CR1L: variants seen among roughly 807,000 people sequenced by gnomAD.
CR1L encodes the protein complement component receptor 1-like protein.
A neutral mutation model predicts 62.3 loss-of-function variants in CR1L; 59 were observed. The observed-to-expected ratio is 0.95, with a 90% CI of 0.77 to 1.18. CR1L has a LOEUF of 1.18. Among genes scored for constraint, CR1L ranks in the 50% most tolerant of loss-of-function variants. The pLI is 0.00. For missense variants in CR1L, 700 were observed against 702.8 expected (o/e 1.00, Z 0.04); for synonymous variants, 279 against 248.7 (o/e 1.12, Z -1.15).
chr1:207,701,134 TAATA>T (rs2102472544), intron 8 of CR1L, among the ~76,000 whole-genome samples: 1 of 152,312 alleles, frequency 6.6e-6, no homozygotes, highest in African/African-American at 2.4e-5. Context: ...GGAAAATAAA[TAATA>T]AATGACTCTA....
chr1:207,674,254 A>G (rs1194556420), intron 1 of CR1L, among the ~76,000 whole-genome samples: 1 of 152,196 alleles, frequency 6.6e-6, no homozygotes, highest in Non-Finnish European at 1.5e-5. Flanking sequence ...TATGATGGAA[A>G]TGTTCATTGT....
chr1:207,721,196 T>C (rs1654128395), intron 11 of CR1L, among the ~76,000 whole-genome samples: 1 of 149,976 alleles, frequency 6.7e-6, no homozygotes, highest in Admixed American at 6.6e-5. Context: ...CAAAGTACCC[T>C]TTTTTTTTAT....
chr1:207,664,780 A>T (rs184558141), intron 1 of CR1L, among the ~76,000 whole-genome samples: 70 of 152,344 alleles, frequency 4.6e-4, no homozygotes, highest in African/African-American at 1.6e-3. Context: ...TGACAAATCA[A>T]AATTCCTCAT....
intron 1 of CR1L, among the ~76,000 whole-genome samples, chr1:207,650,126 A>T (rs1338783382): frequency 1.3e-5 from 2 of 152,082 alleles, no homozygotes; most frequent in Non-Finnish European, 2.9e-5. Context: ...GCAATTGAAT[A>T]TGTAGTTTTG....
chr1:207,711,914 C>A (rs1212250722), intron 10 of CR1L, among the ~76,000 whole-genome samples: 1 of 149,782 alleles, frequency 6.7e-6, no homozygotes, highest in Non-Finnish European at 1.5e-5. Context: ...AAAAAAAACA[C>A]AAAAAACAAG....
intron 9 of CR1L, among the ~76,000 whole-genome samples, chr1:207,703,909 G>A (rs1187085769): frequency 6.6e-6 from 1 of 151,972 alleles, no homozygotes; most frequent in East Asian, 1.9e-4. Flanking sequence ...AGCCGAGATT[G>A]CGTCACCGCA....
At chr1:207,705,157 A>G (rs1307820317) in intron 9 of CR1L, among the ~76,000 whole-genome samples, 1 of 152,066 alleles carries the variant, frequency 6.6e-6, no homozygotes, top group Non-Finnish European at 1.5e-5. Flanking sequence ...GTGTCCTCAT[A>G]TGCTGTTCTC....
chr1:207,674,531 C>T (rs10494884), intron 1 of CR1L, among the ~76,000 whole-genome samples: 64,281 of 151,866 alleles, frequency 0.42, 13,810 homozygotes, highest in Non-Finnish European at 0.46. Flanking sequence ...TGGGCTACTA[C>T]GCAAATTTAT....
chr1:207,694,939 T>C (rs1664052765), intron 5 of CR1L, among the ~76,000 whole-genome samples, 188 bp downstream of exon 5: 1 of 152,210 alleles, frequency 6.6e-6, no homozygotes, highest in African/African-American at 2.4e-5. Context: ...GAAGCAAAGC[T>C]AAACCTGGAC....
chr1:207,723,421 C>CAAA (rs370655665), intron 11 of CR1L, among the ~76,000 whole-genome samples, 197 bp from the exon 12 acceptor site: 1 of 71,840 alleles, frequency 1.4e-5, no homozygotes. Context: ...GAGACTTTGT[C>CAAA]AAAAAAAAAA....
chr1:207,689,418 G>A (rs529877362), intron 4 of CR1L, among the ~76,000 whole-genome samples: 10 of 145,694 alleles, frequency 6.9e-5, no homozygotes, highest in South Asian at 4.4e-4. Flanking sequence ...TTATTGTAAC[G>A]TTGTAACATT....
chr1:207,706,348 G>A (rs1664267762), intron 9 of CR1L, among the ~76,000 whole-genome samples: 1 of 151,944 alleles, frequency 6.6e-6, no homozygotes, highest in African/African-American at 2.4e-5. Context: ...CTCAGCCCGA[G>A]AGGCTGAGGC....
At chr1:207,655,420 A>G (rs12084587) in intron 1 of CR1L, 7,110 of 270,392 alleles carry the variant, frequency 0.026, 524 homozygotes, top group African/African-American at 0.15. Context: ...GGTATTTATC[A>G]TATTGGAATT....
chr1:207,694,856 C>T (rs1028466626), intron 5 of CR1L, 105 bp downstream of exon 5: 53 of 1,561,170 alleles, frequency 3.4e-5, no homozygotes, highest in Middle Eastern at 2.4e-4. Context: ...TGAGCAGGGT[C>T]GAGAAGCAAA....
intron 1 of CR1L, among the ~76,000 whole-genome samples, chr1:207,648,793 C>T (rs183172598): frequency 6.6e-6 from 1 of 152,200 alleles, no homozygotes; most frequent in African/African-American, 2.4e-5. Context: ...AAAGAGCAGT[C>T]CATATCTGGT....
intron 10 of CR1L, among the ~76,000 whole-genome samples, chr1:207,716,760 T>C (rs1346609611): frequency 6.6e-6 from 1 of 152,212 alleles, no homozygotes; most frequent in African/African-American, 2.4e-5. Context: ...AAGTCTTTTA[T>C]GTACACATAA....
At chr1:207,703,637 G>A (rs1664226244) in intron 9 of CR1L, among the ~76,000 whole-genome samples, 1 of 152,232 alleles carries the variant, frequency 6.6e-6, no homozygotes, top group African/African-American at 2.4e-5. Context: ...GCCCATGGCT[G>A]AGCAGTAATT....
At chr1:207,663,834 G>A (rs148047512) in intron 1 of CR1L, among the ~76,000 whole-genome samples, 92 of 152,242 alleles carry the variant, frequency 6.0e-4, no homozygotes, top group African/African-American at 2.1e-3. Flanking sequence ...TGTTCCTACT[G>A]CAGGACTCTT....
chr1:207,659,541 G>C (rs1663373905), intron 1 of CR1L, among the ~76,000 whole-genome samples: 1 of 152,216 alleles, frequency 6.6e-6, no homozygotes, highest in Non-Finnish European at 1.5e-5. Flanking sequence ...GTTGCTTCAA[G>C]ATAGCTGAAT....
Sources: gnomAD v4.1 joint callset for allele counts (sites outside exome capture counted in the v4.1 genomes callset) on GRCh38, gnomAD v4.1.1 for gene constraint, MANE v1.5 for transcripts, NCBI Gene and HGNC (gene_info 2026-07-23, HGNC 2026-07-21) for gene names.